RBSN: variants seen among roughly 807,000 people sequenced by gnomAD.
The protein encoded by RBSN is rabenosyn, RAB effector, also known as rabenosyn-5.
In RBSN, 34 loss-of-function variants were observed where a neutral mutation model predicts 60.5. That is an observed-to-expected ratio of 0.56 (90% CI 0.43 to 0.75). The LOEUF is 0.75. Among genes scored for constraint, RBSN ranks in the 30% least tolerant of loss-of-function variants. The probability of loss-of-function intolerance (pLI) is 0.00; values close to 1 mark genes in which losing one functional copy is unlikely to be tolerated. For missense variants in RBSN, 845 were observed against 986.8 expected (o/e 0.86, Z 1.92); for synonymous variants, 322 against 366.9 (o/e 0.88, Z 1.40).
Position 15,073,137 on chromosome 3 carries a change from C to G in RBSN, c.*645G>C, listed in dbSNP as rs2042958449. On this transcript the variant is annotated 3_prime_UTR_variant, in exon 14 of 14. Coordinates refer to ENST00000253699, the MANE Select transcript of RBSN (RefSeq NM_022340.4). The stretch of plus-strand genomic sequence containing the variant: ...GAAAATAGACCCTGGTGAAATATTC[C>G]CATCACCCCACCTTAAAAAGAGGTG... The G allele has an allele frequency of 6.6e-6, 1 of 152,302 alleles. No individual in the cohort carries two copies. 9.4% of individuals were successfully genotyped at this position (152,302 alleles called of 1,614,324 possible). A position where few individuals can be genotyped will look rare whatever the true frequency, so the allele number is the denominator to read the frequency against.
At chr3:15,076,952 A>G in intron 12 of RBSN, 110 bp downstream of exon 12, 2 of 833,278 alleles carry the variant, frequency 2.4e-6, no homozygotes, top group Non-Finnish European at 3.8e-6. Context: ...AAAAAATAAT[A>G]AATGTATAAA....
At chr3:15,078,696 G>T (rs1302430047) in intron 10 of RBSN, among the ~76,000 whole-genome samples, 1 of 145,484 alleles carries the variant, frequency 6.9e-6, no homozygotes, top group African/African-American at 2.6e-5. Flanking sequence ...GGAGGCGGAG[G>T]TTGCAGTGGG....
chr3:15,086,710 T>C (rs900744023), intron 5 of RBSN, among the ~76,000 whole-genome samples: 11 of 152,258 alleles, frequency 7.2e-5, no homozygotes, highest in African/African-American at 2.7e-4. Flanking sequence ...CTTTATAAAT[T>C]TGATACAATA....
chr3:15,093,282 G>A (rs896153386), intron 4 of RBSN, among the ~76,000 whole-genome samples: 2 of 152,160 alleles, frequency 1.3e-5, no homozygotes, highest in African/African-American at 4.8e-5. Flanking sequence ...TTACTTTCCT[G>A]ATTCTGAAAT....
chr3:15,084,799 G>A lies in RBSN; in HGVS notation c.534C>T (p.His178=), dbSNP rs775819588. The change falls in exon 8 of 14, where the codon CAC becomes CAT. Residue 178 remains histidine (H), a synonymous_variant. Transcript: ENST00000253699. The surrounding 1 kb of genome is among the most constrained non-coding windows in gnomAD (Gnocchi z 4.2). The part of the protein sequence containing the change: ...NKFSIRNRRH[H]CRLCGSIMCK... ...ACATAATAGACCCGCAGAGGCGGCAGTGGTGGCGGCGGTTCCGGATGCTGA... is the reference window on the plus strand; with the variant it reads ...ACATAATAGACCCGCAGAGGCGGCAATGGTGGCGGCGGTTCCGGATGCTGA... 22 of 1,614,100 alleles carry A rather than the reference G, an allele frequency of 1.4e-5. No individual in the cohort carries two copies. The South Asian group carries it at 1.9e-4, about 14-fold the overall frequency.
Position 15,074,787 on chromosome 3 carries a change from CT to C in RBSN, c.1349del (p.Gln450ArgfsTer126). ...AEGWLPLSGG[Q>X]GQSEDSDPLL... ...GCGGGTCTGAGTCCTCACTCTGCCC[CT>C]GACCTCCTGACAGTGGGAGCCAGCC... On this transcript the variant is annotated frameshift_variant, in exon 14 of 14. Coordinates refer to ENST00000253699, the MANE Select transcript of RBSN (RefSeq NM_022340.4). LOFTEE classifies it low-confidence loss of function (END_TRUNC). This position sits in a 1 kb window ranked among gnomAD's most constrained non-coding sequence, Gnocchi z 6.4. 2.5e-6 allele frequency: 4 copies of C among 1,614,262 alleles called. No individual in the cohort carries two copies. Among genetic ancestry groups the C allele is most frequent in the Non-Finnish European group, 3.4e-6 (4 of 1,180,050 alleles).
At chr3:15,091,271 T>TA (rs2043510633) in intron 4 of RBSN, 2 of 881,264 alleles carry the variant, frequency 2.3e-6, no homozygotes, top group Non-Finnish European at 2.7e-6. Flanking sequence ...TAATGTTTTT[T>TA]AAAAAACAAG....
rs2042959777 is a variant in RBSN at position 15,073,187 on chromosome 3, TC to T, written c.*594del. 2 of 152,646 alleles carry T rather than the reference TC, an allele frequency of 1.3e-5. No homozygotes were observed. The highest frequency in any genetic ancestry group is 1.3e-4 in the Admixed American group (2 of 15,260). 9.5% of individuals were successfully genotyped at this position (152,646 alleles called of 1,614,324 possible). ...GCTGGGCTCTCCTGGGTCTAAACTC[TC>T]CCCTTCATAGCAGCACCTCCCCCTT... On this transcript the variant is annotated 3_prime_UTR_variant, in exon 14 of 14. Transcript: ENST00000253699.
Position 15,084,846 on chromosome 3 carries a change from A to G in RBSN, c.487T>C (p.Cys163Arg). 6.2e-7 allele frequency: 1 copy of G among 1,614,216 alleles called. No homozygotes were observed. Among genetic ancestry groups the G allele is most frequent in the East Asian group, 2.2e-5 (1 of 44,890 alleles). ...PWVNDQDVPF[C>R]PDCGNKFSIR... Reference sequence around the variant, plus strand: ...CTGAACTTATTCCCACAGTCTGGACAGAAAGGGACATCCTGGTCGTTGACC... The same window carrying G: ...CTGAACTTATTCCCACAGTCTGGACGGAAAGGGACATCCTGGTCGTTGACC... The change falls in exon 8 of 14, where the codon TGT (cysteine) becomes CGT (arginine). Residue 163 changes from cysteine (C) to arginine (R), a missense_variant. Transcript: ENST00000253699. The surrounding 1 kb of genome is among the most constrained non-coding windows in gnomAD (Gnocchi z 4.2).
At chr3:15,086,305 G>A (rs1175647466) in intron 5 of RBSN, among the ~76,000 whole-genome samples, 1 of 151,962 alleles carries the variant, frequency 6.6e-6, no homozygotes, top group Admixed American at 6.6e-5. Flanking sequence ...AAAAACTCTA[G>A]GATTTTAGAG....
At chr3:15,092,502 G>C (rs535823575) in intron 4 of RBSN, among the ~76,000 whole-genome samples, 1 of 152,102 alleles carries the variant, frequency 6.6e-6, no homozygotes, top group Admixed American at 6.6e-5. Flanking sequence ...TGCCTTCCAG[G>C]GGTTCAAGGG....
rs1329845635 is a variant in RBSN at position 15,084,412 on chromosome 3, C to T, written c.598+323G>A. Among the ~76,000 whole-genome samples the T allele has an allele frequency of 6.6e-6, 1 of 152,186 alleles. No individual in the cohort carries two copies. The highest frequency in any genetic ancestry group is 2.4e-5 in the African/African-American group (1 of 41,428). ...TGATTACAGGCATGAGCCACTGTGC[C>T]CAGTCTAGTGTTCACATTTTTAAAA... On this transcript the variant is annotated intron_variant, in intron 8 of 13. Coordinates refer to ENST00000253699, the MANE Select transcript of RBSN (RefSeq NM_022340.4). The surrounding 1 kb of genome is among the most constrained non-coding windows in gnomAD (Gnocchi z 4.2).
At chr3:15,083,341 T>C (rs2043255169) in intron 8 of RBSN, among the ~76,000 whole-genome samples, 1 of 152,182 alleles carries the variant, frequency 6.6e-6, no homozygotes, top group African/African-American at 2.4e-5. Context: ...GCATCTGTTT[T>C]TGTCCCCACA....
At chr3:15,092,385 A>G (rs1302542489) in intron 4 of RBSN, among the ~76,000 whole-genome samples, 1 of 151,970 alleles carries the variant, frequency 6.6e-6, no homozygotes, top group Non-Finnish European at 1.5e-5. Flanking sequence ...AAAATGCACT[A>G]AAGTGGGTTT....
intron 5 of RBSN, among the ~76,000 whole-genome samples, chr3:15,086,361 T>G (rs1306609521): frequency 6.6e-6 from 1 of 152,210 alleles, no homozygotes; most frequent in East Asian, 1.9e-4. Context: ...GAAGAAAATC[T>G]GCTAAATTGT....
At chr3:15,093,109 GC>G (rs1249592236) in intron 4 of RBSN, among the ~76,000 whole-genome samples, 1 of 151,986 alleles carries the variant, frequency 6.6e-6, no homozygotes, top group Non-Finnish European at 1.5e-5. Flanking sequence ...TTTTTGAACT[GC>G]CCCCAAAACC....
chr3:15,090,662 T>C (rs1367373033), intron 4 of RBSN, 123 bp from the exon 5 acceptor site: 1 of 1,357,838 alleles, frequency 7.4e-7, no homozygotes, highest in East Asian at 2.4e-5. Flanking sequence ...GCACCAGAAA[T>C]ATTTAGATCT....
Position 15,090,487 on chromosome 3 carries a change from C to T in RBSN, c.201G>A (p.Gly67=). 1 of 1,614,184 alleles carries T rather than the reference C, an allele frequency of 6.2e-7. No individual in the cohort carries two copies. The highest frequency in any genetic ancestry group is 8.5e-7 in the Non-Finnish European group (1 of 1,180,034). The change falls in exon 5 of 14, where the codon GGG becomes GGA. Residue 67 remains glycine (G), a synonymous_variant. Coordinates refer to ENST00000253699, the MANE Select transcript of RBSN (RefSeq NM_022340.4). ...KAKDRLLKRE[G]DDRAESGTQG... ...GGGTCCCTGACTCTGCTCGATCATC[C>T]CCTTCTCGTTTCAACAACCTGTCCT...
chr3:15,086,316 C>G (rs1427880425), intron 5 of RBSN, among the ~76,000 whole-genome samples: 1 of 151,982 alleles, frequency 6.6e-6, no homozygotes, highest in East Asian at 1.9e-4. Context: ...GATTTTAGAG[C>G]CTTACCAAAA....
Sources: allele counts gnomAD v4.1 joint callset (sites outside exome capture counted in the v4.1 genomes callset), GRCh38; gene constraint gnomAD v4.1.1; non-coding constraint Gnocchi (gnomAD v3.1); transcripts MANE v1.5; gene names NCBI Gene and HGNC (gene_info 2026-07-23, HGNC 2026-07-21).